MLLT3: variants seen among roughly 807,000 people sequenced by gnomAD.
MLLT3 encodes protein AF-9.
In MLLT3, 4 loss-of-function variants were observed where a neutral mutation model predicts 53.2. The observed-to-expected ratio is 0.08, with a 90% CI of 0.04 to 0.17. The LOEUF is 0.17. Among genes scored for constraint, MLLT3 ranks in the 10% least tolerant of loss-of-function variants. The probability of loss-of-function intolerance (pLI) is 1.00; values close to 1 mark genes in which losing one functional copy is unlikely to be tolerated. For missense variants in MLLT3, 569 were observed against 684.0 expected (o/e 0.83, Z 1.87); for synonymous variants, 283 against 230.6 (o/e 1.23, Z -2.06).
At chr9:20,406,873 T>TG (rs1192868954) in intron 5 of MLLT3, among the ~76,000 whole-genome samples, 2 of 152,226 alleles carry the variant, frequency 1.3e-5, no homozygotes, top group Admixed American at 6.5e-5. Context: ...TGACTTTATC[T>TG]GGGAATATAT....
At chr9:20,536,839 C>T (rs942538839) in intron 2 of MLLT3, among the ~76,000 whole-genome samples, 17 of 150,150 alleles carry the variant, frequency 1.1e-4, no homozygotes, top group African/African-American at 4.2e-4. Context: ...CAGGTAGTAG[C>T]TGTTTAACTA....
chr9:20,525,184 A>G (rs1296099996), intron 2 of MLLT3, among the ~76,000 whole-genome samples: 3 of 151,690 alleles, frequency 2.0e-5, no homozygotes, highest in African/African-American at 7.3e-5. Flanking sequence ...CTCAACATTT[A>G]TAAGTTCTAC....
intron 2 of MLLT3, among the ~76,000 whole-genome samples, chr9:20,475,893 G>A (rs1824508637): frequency 6.6e-6 from 1 of 152,070 alleles, no homozygotes; most frequent in South Asian, 2.1e-4. Flanking sequence ...TGTTATTTCA[G>A]TTAGCAACAA....
chr9:20,389,459 T>G (rs1037023877), intron 5 of MLLT3, among the ~76,000 whole-genome samples: 2 of 152,150 alleles, frequency 1.3e-5, no homozygotes, highest in Non-Finnish European at 2.9e-5. Context: ...TGGGGATAGC[T>G]GCACAATTCT....
At chr9:20,567,172 C>T (rs1417456262) in intron 2 of MLLT3, among the ~76,000 whole-genome samples, 5 of 104,094 alleles carry the variant, frequency 4.8e-5, no homozygotes, top group Admixed American at 4.2e-4. Flanking sequence ...AATGTTATCA[C>T]TCAAAGTCAA....
chr9:20,430,813 C>G (rs903619142), intron 4 of MLLT3, among the ~76,000 whole-genome samples: 6 of 151,908 alleles, frequency 3.9e-5, no homozygotes, highest in Admixed American at 6.6e-5. Context: ...ACTGAGAAAA[C>G]TAGGAAAATA....
chr9:20,360,884 T>C, intron 7 of MLLT3, 43 bp from the exon 8 acceptor site: 4 of 1,528,180 alleles, frequency 2.6e-6, no homozygotes, highest in African/African-American at 2.7e-5. Context: ...TACAAACAGA[T>C]GATTCTTGAA....
intron 2 of MLLT3, among the ~76,000 whole-genome samples, chr9:20,551,581 A>C (rs1818926440): frequency 6.6e-6 from 1 of 152,218 alleles, no homozygotes; most frequent in South Asian, 2.1e-4. Context: ...TTCAAAAACA[A>C]ACCCAAGGCA....
intron 5 of MLLT3, among the ~76,000 whole-genome samples, chr9:20,378,228 C>T (rs1821820405): frequency 6.6e-6 from 1 of 151,926 alleles, no homozygotes; most frequent in South Asian, 2.1e-4. Context: ...TGGAAATGTA[C>T]ATACATTGGG....
chr9:20,594,836 G>A (rs1196682985), intron 2 of MLLT3, among the ~76,000 whole-genome samples: 4 of 152,304 alleles, frequency 2.6e-5, no homozygotes, highest in African/African-American at 9.6e-5. Context: ...ATGTCAGGAA[G>A]TTCCCCTGTA....
At chr9:20,546,059 A>G (rs1818779628) in intron 2 of MLLT3, among the ~76,000 whole-genome samples, 2 of 152,034 alleles carry the variant, frequency 1.3e-5, no homozygotes, top group Admixed American at 6.6e-5. Context: ...GAAAGGGACA[A>G]GATTGAGATT....
At chr9:20,467,439 G>A (rs910618820) in intron 2 of MLLT3, among the ~76,000 whole-genome samples, 7 of 152,136 alleles carry the variant, frequency 4.6e-5, no homozygotes, top group African/African-American at 9.7e-5. Flanking sequence ...TTAGCTGGGT[G>A]TGGTGGCACG....
chr9:20,498,091 C>T (rs906965164), intron 2 of MLLT3, among the ~76,000 whole-genome samples: 10 of 151,718 alleles, frequency 6.6e-5, no homozygotes, highest in Non-Finnish European at 1.0e-4. Context: ...GGCGTGGTGG[C>T]ATGCACCTGT....
chr9:20,526,526 T>A (rs1331094516), intron 2 of MLLT3, among the ~76,000 whole-genome samples: 1 of 152,194 alleles, frequency 6.6e-6, no homozygotes, highest in East Asian at 1.9e-4. Flanking sequence ...CATTACTGAG[T>A]ATAGCAGCAG....
chr9:20,486,770 C>T (rs562960025), intron 2 of MLLT3, among the ~76,000 whole-genome samples: 6 of 152,214 alleles, frequency 3.9e-5, no homozygotes, highest in East Asian at 3.9e-4. Context: ...AGTATTGCAT[C>T]GTTACTGTAT....
At chr9:20,618,673 T>C (rs1820901895) in intron 2 of MLLT3, among the ~76,000 whole-genome samples, 1 of 152,216 alleles carries the variant, frequency 6.6e-6, no homozygotes, top group Non-Finnish European at 1.5e-5. Context: ...ATCACTGCTA[T>C]CAAGCAGCTT....
At chr9:20,485,885 A>C (rs1257646964) in intron 2 of MLLT3, among the ~76,000 whole-genome samples, 1 of 152,180 alleles carries the variant, frequency 6.6e-6, no homozygotes, top group Non-Finnish European at 1.5e-5. Flanking sequence ...ATAATAAATA[A>C]ATCAGTATCA....
intron 2 of MLLT3, among the ~76,000 whole-genome samples, chr9:20,584,502 G>T (rs1284410460): frequency 1.3e-5 from 2 of 152,130 alleles, no homozygotes; most frequent in Non-Finnish European, 2.9e-5. Context: ...CTGCTGGGAA[G>T]AAAAAAGAGG....
At chr9:20,519,484 G>C (rs1385407221) in intron 2 of MLLT3, among the ~76,000 whole-genome samples, 1 of 152,106 alleles carries the variant, frequency 6.6e-6, no homozygotes, top group African/African-American at 2.4e-5. Context: ...GCCATATATA[G>C]GCTTTTTTGA....
Sources: allele counts gnomAD v4.1 joint callset (sites outside exome capture counted in the v4.1 genomes callset), GRCh38; gene constraint gnomAD v4.1.1; transcripts MANE v1.5; gene names NCBI Gene and HGNC (gene_info 2026-07-23, HGNC 2026-07-21).